The following COL22A1 variants were observed in gnomAD, a reference collection of about 807,000 sequenced individuals.
The protein encoded by COL22A1 is collagen alpha-1(XXII) chain.
COL22A1 carries 221 observed loss-of-function variants against 248.9 expected under a neutral mutation model. The ratio of observed to expected loss-of-function variants is 0.89; its 90% confidence interval spans 0.80 to 0.99. The LOEUF (loss-of-function observed/expected upper bound fraction) is 0.99. Among genes scored for constraint, COL22A1 ranks in the 50% least tolerant of loss-of-function variants. The pLI, the probability that COL22A1 is intolerant of heterozygous loss-of-function variation, is 0.00. For missense variants in COL22A1, 2,240 were observed against 2,179.0 expected, an observed-to-expected ratio of 1.03 and a Z score of -0.56; for synonymous variants, 891 against 793.4, an observed-to-expected ratio of 1.12 and a Z score of -2.07.
intron 32 of COL22A1, among the ~76,000 whole-genome samples, chr8:138,696,400 G>C (rs186504297): frequency 1.3e-5 from 2 of 152,288 alleles, no homozygotes; most frequent in East Asian, 3.9e-4. Context: ...GATGAAGGGA[G>C]GGCCATGGAT....
In COL22A1 at chr8:138,655,141, T is replaced by C. The variant is rs182868941; in HGVS notation, c.3333+756A>G. ...ATTGACCCTCACAGTATCTCAGGCT[T>C]CTTATATGCTGAATAACACAACAAA... On this transcript the variant is annotated intron_variant, in intron 45 of 64. Transcript: ENST00000303045. Among the ~76,000 whole-genome samples, 4 of 152,334 alleles carry C rather than the reference T, an allele frequency of 2.6e-5. No individual in the cohort carries two copies. In the East Asian group the frequency reaches 7.7e-4, roughly 29 times the overall value.
chr8:138,843,580 A>G (rs1255121052), intron 4 of COL22A1, among the ~76,000 whole-genome samples: 1 of 152,052 alleles, frequency 6.6e-6, no homozygotes, highest in Non-Finnish European at 1.5e-5. Context: ...CATACCCCGC[A>G]CCCTCGCAGC....
chr8:138,708,096 T>C (rs1049448747), intron 30 of COL22A1, among the ~76,000 whole-genome samples: 1 of 152,152 alleles, frequency 6.6e-6, no homozygotes, highest in Non-Finnish European at 1.5e-5. Flanking sequence ...GAAGGACCTC[T>C]TCAAGGAGAA....
At chr8:138,712,371 C>T (rs1829044514) in intron 30 of COL22A1, among the ~76,000 whole-genome samples, 1 of 152,262 alleles carries the variant, frequency 6.6e-6, no homozygotes, top group Admixed American at 6.5e-5. Flanking sequence ...TTGGTCAGAA[C>T]TGAGCATGAA....
intron 5 of COL22A1, among the ~76,000 whole-genome samples, chr8:138,829,888 T>A (rs1025425101): frequency 1.3e-5 from 2 of 152,210 alleles, no homozygotes; most frequent in Admixed American, 6.5e-5. Flanking sequence ...TTCCCCTGAT[T>A]ATAATAACTT....
chr8:138,676,454 A>AAAGGAAGGAAGGAAGG, intron 41 of COL22A1, 104 bp downstream of exon 41: 1 of 408,506 alleles, frequency 2.4e-6, no homozygotes, highest in Non-Finnish European at 4.3e-6. Flanking sequence ...AGAAAGAAAG[A>AAAGGAAGGAAGGAAGG]AAGGAAGAAA....
chr8:138,696,746 C>T (rs1028139395), intron 32 of COL22A1, among the ~76,000 whole-genome samples: 1 of 152,190 alleles, frequency 6.6e-6, no homozygotes, highest in African/African-American at 2.4e-5. Context: ...TCACAGTGAC[C>T]AATACAGAGG....
intron 7 of COL22A1, 118 bp from the exon 8 acceptor site, chr8:138,813,137 C>T: frequency 1.3e-6 from 1 of 747,056 alleles, no homozygotes; most frequent in Middle Eastern, 2.3e-4. Flanking sequence ...TGGGGTCTTC[C>T]TGAGTCCACC....
chr8:138,846,858 A>G (rs773384896), intron 3 of COL22A1, among the ~76,000 whole-genome samples: 1 of 152,236 alleles, frequency 6.6e-6, no homozygotes, highest in Non-Finnish European at 1.5e-5. Flanking sequence ...TGGATGAGAG[A>G]GACATCCTAT....
chr8:138,618,938 T>C (rs1007154183), intron 53 of COL22A1, among the ~76,000 whole-genome samples: 2 of 152,186 alleles, frequency 1.3e-5, no homozygotes, highest in African/African-American at 4.8e-5. Flanking sequence ...AATTCATATA[T>C]AGAAAAAAGG....
chr8:138,803,443 G>A (rs1286852392), intron 10 of COL22A1, among the ~76,000 whole-genome samples: 4 of 152,122 alleles, frequency 2.6e-5, no homozygotes, highest in East Asian at 1.9e-4. Flanking sequence ...GAGATCAGAC[G>A]AGATCGGGCA....
intron 3 of COL22A1, among the ~76,000 whole-genome samples, chr8:138,854,613 G>T (rs1229667149): frequency 6.6e-6 from 1 of 152,206 alleles, no homozygotes; most frequent in East Asian, 1.9e-4. Context: ...TCACCAATGA[G>T]AAATGTCACC....
intron 23 of COL22A1, among the ~76,000 whole-genome samples, chr8:138,729,576 G>A (rs999061535): frequency 1.3e-5 from 2 of 152,204 alleles, no homozygotes; most frequent in Non-Finnish European, 2.9e-5. Flanking sequence ...GGAAGCAACT[G>A]TCTGAAAGTC....
At chr8:138,753,257 T>C (rs370053020) in intron 21 of COL22A1, among the ~76,000 whole-genome samples, 10 of 152,212 alleles carry the variant, frequency 6.6e-5, no homozygotes, top group African/African-American at 2.4e-4. Context: ...GTTCCCACCA[T>C]GTGATAAACC....
At chr8:138,645,944 G>A (rs1379649347) in intron 47 of COL22A1, among the ~76,000 whole-genome samples, 2 of 152,172 alleles carry the variant, frequency 1.3e-5, no homozygotes, top group African/African-American at 4.8e-5. Context: ...GGAAGGGAAT[G>A]AGGGTGTGGG....
chr8:138,594,310 C>T (rs987928364), intron 62 of COL22A1, 111 bp from the exon 63 acceptor site: 34 of 858,496 alleles, frequency 4.0e-5, no homozygotes, highest in South Asian at 5.6e-5. Flanking sequence ...GCTGCAGAAA[C>T]GGACATAGGA....
intron 1 of COL22A1, among the ~76,000 whole-genome samples, chr8:138,903,108 T>G (rs1814742171): frequency 6.6e-6 from 1 of 152,152 alleles, no homozygotes; most frequent in Admixed American, 6.5e-5. Context: ...AATTAACTTA[T>G]GAATTATTGA....
intron 12 of COL22A1, among the ~76,000 whole-genome samples, chr8:138,784,968 T>C (rs559762365): frequency 2.0e-5 from 3 of 152,308 alleles, no homozygotes; most frequent in Non-Finnish European, 4.4e-5. Flanking sequence ...AGTTCCCTGG[T>C]TGTGGGGCAG....
chr8:138,800,586 G>C (rs1816918017), intron 11 of COL22A1, among the ~76,000 whole-genome samples: 1 of 152,136 alleles, frequency 6.6e-6, no homozygotes, highest in Non-Finnish European at 1.5e-5. Context: ...TTTGAATGTA[G>C]GCTGCCTGAT....
Sources: gnomAD v4.1 joint callset for allele counts (sites outside exome capture counted in the v4.1 genomes callset) on GRCh38, gnomAD v4.1.1 for gene constraint, MANE v1.5 for transcripts, NCBI Gene and HGNC (gene_info 2026-07-23, HGNC 2026-07-21) for gene names.